ARHGAP10: variants seen among roughly 807,000 people sequenced by gnomAD.
The protein encoded by ARHGAP10 is Rho GTPase activating protein 10.
In ARHGAP10, 87 loss-of-function variants were observed where a neutral mutation model predicts 108.6. The observed-to-expected ratio is 0.80, with a 90% confidence interval of 0.67 to 0.96. The LOEUF (loss-of-function observed/expected upper bound fraction) is 0.96. Ranked by LOEUF, ARHGAP10 falls within the 40% of genes least tolerant of loss-of-function variation. ARHGAP10 has a pLI of 0.00. For synonymous variants in ARHGAP10, 347 were observed against 341.1 expected (o/e 1.02, Z -0.19); for missense variants, 939 against 954.5 (o/e 0.98, Z 0.21).
At chr4:147,951,783 A>G (rs1179128543) in intron 15 of ARHGAP10, among the ~76,000 whole-genome samples, 1 of 152,108 alleles carries the variant, frequency 6.6e-6, no homozygotes, top group African/African-American at 2.4e-5. Context: ...AGACAGCTTT[A>G]TTGAAACACA....
At position 147,997,228 on chromosome 4, in the gene ARHGAP10, A is replaced by G. The variant is rs111931638; in HGVS notation, c.1717-26035A>G. On this transcript the variant is annotated intron_variant, in intron 18 of 22. Transcript: ENST00000336498. ...AACTAACCAAAATACCCAGTGTGGAATCTACAAACGTATTGCAGCAGGAGG... is the reference window on the plus strand; with the variant it reads ...AACTAACCAAAATACCCAGTGTGGAGTCTACAAACGTATTGCAGCAGGAGG... Among the ~76,000 whole-genome samples, 532 of 152,360 alleles carry G rather than the reference A, an allele frequency of 3.5e-3. 3 individuals carry two copies. Among genetic ancestry groups the G allele is most frequent in the African/African-American group, 0.012 (512 of 41,596 alleles).
intron 1 of ARHGAP10, among the ~76,000 whole-genome samples, chr4:147,747,805 G>A (rs1490343167): frequency 2.0e-5 from 3 of 152,016 alleles, no homozygotes; most frequent in Admixed American, 2.0e-4. Flanking sequence ...AAAAAAAAAA[G>A]AAATTTTGGC....
At chr4:148,059,354 T>A (rs1000670496) in intron 20 of ARHGAP10, among the ~76,000 whole-genome samples, 1 of 152,204 alleles carries the variant, frequency 6.6e-6, no homozygotes, top group South Asian at 2.1e-4. Flanking sequence ...ACTTAGGTAC[T>A]TTTTTGTACT....
chr4:148,042,797 C>A (rs1728690374), intron 19 of ARHGAP10, among the ~76,000 whole-genome samples: 2 of 152,122 alleles, frequency 1.3e-5, no homozygotes, highest in African/African-American at 4.8e-5. Context: ...TCAGTAAATG[C>A]TAGTTGGGTG....
intron 14 of ARHGAP10, among the ~76,000 whole-genome samples, chr4:147,941,835 G>T (rs980076138): frequency 1.3e-5 from 2 of 152,004 alleles, no homozygotes; most frequent in Middle Eastern, 3.2e-3. Flanking sequence ...ATATTTATTT[G>T]CTATTTCCTA....
Position 147,991,425 on chromosome 4 carries a change from G to A in ARHGAP10, c.1716+24586G>A, listed in dbSNP as rs535779724. The stretch of plus-strand genomic sequence containing the variant: ...CTTCCTCATGTTTTTTCCCAGGAGG[G>A]GCCTTACGGAGCTTACTCTTCCCCA... On this transcript the variant is annotated intron_variant, in intron 18 of 22. Coordinates refer to ENST00000336498, the MANE Select transcript of ARHGAP10 (RefSeq NM_024605.4). 3.5e-4 allele frequency among the ~76,000 whole-genome samples: 54 copies of A among 152,222 alleles called. 1 individual carries two copies. Among genetic ancestry groups the A allele is most frequent in the African/African-American group, 1.2e-3 (49 of 41,520 alleles).
At chr4:147,882,838 G>A (rs1735384655) in intron 10 of ARHGAP10, among the ~76,000 whole-genome samples, 3 of 152,160 alleles carry the variant, frequency 2.0e-5, no homozygotes, top group Non-Finnish European at 4.4e-5. Flanking sequence ...TAGCATTAAG[G>A]AAAATCCTAG....
chr4:147,905,985 C>T (rs1736471568), intron 10 of ARHGAP10, among the ~76,000 whole-genome samples: 1 of 152,160 alleles, frequency 6.6e-6, no homozygotes, highest in Non-Finnish European at 1.5e-5. Flanking sequence ...ATTTTATTCT[C>T]TTTGAAGCAA....
intron 18 of ARHGAP10, among the ~76,000 whole-genome samples, chr4:147,992,119 C>A (rs1332633682): frequency 1.3e-5 from 2 of 152,166 alleles, no homozygotes; most frequent in Non-Finnish European, 2.9e-5. Flanking sequence ...CAAAAGCGCT[C>A]CTTGTTTTAG....
intron 1 of ARHGAP10, among the ~76,000 whole-genome samples, chr4:147,785,997 G>A (rs564190432): frequency 1.3e-5 from 2 of 152,146 alleles, no homozygotes; most frequent in Non-Finnish European, 2.9e-5. Context: ...CTGATTTCGG[G>A]AAAATTGAGA....
At chr4:147,973,313 G>A (rs1739480740) in intron 18 of ARHGAP10, among the ~76,000 whole-genome samples, 1 of 152,168 alleles carries the variant, frequency 6.6e-6, no homozygotes, top group Admixed American at 6.5e-5. Flanking sequence ...GAGGTAGGGA[G>A]TTCTTTAGAG....
At chr4:147,892,316 GT>G (rs1735821604) in intron 10 of ARHGAP10, among the ~76,000 whole-genome samples, 1 of 152,202 alleles carries the variant, frequency 6.6e-6, no homozygotes, top group South Asian at 2.1e-4. Flanking sequence ...TTAAGAGCAT[GT>G]TGCCTTCAGA....
intron 19 of ARHGAP10, among the ~76,000 whole-genome samples, chr4:148,027,304 T>A (rs1200956647): frequency 2.6e-5 from 4 of 152,210 alleles, no homozygotes; most frequent in Non-Finnish European, 5.9e-5. Context: ...AAATATGACT[T>A]ATAGTGAGTT....
chr4:147,962,585 C>T (rs1739041768), intron 16 of ARHGAP10, among the ~76,000 whole-genome samples: 1 of 152,130 alleles, frequency 6.6e-6, no homozygotes, highest in Admixed American at 6.5e-5. Flanking sequence ...TTATGAGGGG[C>T]TTATTAGGAT....
intron 13 of ARHGAP10, among the ~76,000 whole-genome samples, chr4:147,929,684 T>G (rs900994148): frequency 6.6e-6 from 1 of 152,224 alleles, no homozygotes; most frequent in African/African-American, 2.4e-5. Flanking sequence ...TACATCATTC[T>G]TAGCCAGATT....
intron 22 of ARHGAP10, 75 bp downstream of exon 22, chr4:148,064,582 C>A: frequency 3.0e-6 from 4 of 1,336,536 alleles, no homozygotes; most frequent in South Asian, 1.2e-5. Context: ...AGTGAGCAGT[C>A]AGCGATGGTG....
chr4:147,937,239 C>G (rs976479028), intron 13 of ARHGAP10, among the ~76,000 whole-genome samples: 2 of 143,094 alleles, frequency 1.4e-5, no homozygotes, highest in African/African-American at 6.1e-5. Flanking sequence ...TCTGAGGCCT[C>G]TCTCTGGCAT....
chr4:147,760,949 C>T (rs144024723), intron 1 of ARHGAP10, among the ~76,000 whole-genome samples: 152 of 151,800 alleles, frequency 1.0e-3, no homozygotes, highest in African/African-American at 3.5e-3. Context: ...TAATAGCTCT[C>T]AACTGAGAAC....
chr4:147,819,681 C>T (rs549165212), intron 1 of ARHGAP10, among the ~76,000 whole-genome samples: 2 of 152,228 alleles, frequency 1.3e-5, no homozygotes, highest in South Asian at 4.1e-4. Context: ...GCCTCAGCCT[C>T]CTGAGTAGCT....
Sources: gnomAD v4.1 joint callset for allele counts (sites outside exome capture counted in the v4.1 genomes callset) on GRCh38, gnomAD v4.1.1 for gene constraint, MANE v1.5 for transcripts, NCBI Gene and HGNC (gene_info 2026-07-23, HGNC 2026-07-21) for gene names.